NKAIN2: variants seen among roughly 807,000 people sequenced by gnomAD.
NKAIN2 encodes the protein sodium/potassium transporting ATPase interacting 2.
In NKAIN2, 14 loss-of-function variants were observed where a neutral mutation model predicts 32.6. That is an observed-to-expected ratio of 0.43 (90% confidence interval 0.28 to 0.67). The LOEUF (loss-of-function observed/expected upper bound fraction) is 0.67, where lower values mean the gene tolerates loss of function less well. Among genes scored for constraint, NKAIN2 ranks in the 30% least tolerant of loss-of-function variants. The pLI, the probability that NKAIN2 is intolerant of heterozygous loss-of-function variation, is 0.17. For synonymous variants in NKAIN2, 80 were observed against 87.2 expected, an observed-to-expected ratio of 0.92 and a Z score of 0.46; for missense variants, 198 against 258.3, an observed-to-expected ratio of 0.77 and a Z score of 1.60.
At chr6:124,493,659 C>T (rs541025022) in intron 3 of NKAIN2, among the ~76,000 whole-genome samples, 1 of 149,760 alleles carries the variant, frequency 6.7e-6, no homozygotes, top group Non-Finnish European at 1.5e-5. Context: ...TACATCTCTC[C>T]ACTGTATACT....
intron 4 of NKAIN2, among the ~76,000 whole-genome samples, chr6:124,704,282 G>GA (rs796186678): frequency 1.0e-4 from 15 of 150,492 alleles, no homozygotes; most frequent in South Asian, 2.1e-4. Flanking sequence ...GAGCTTCCTA[G>GA]AAAAAAAAAT....
intron 3 of NKAIN2, among the ~76,000 whole-genome samples, chr6:124,446,977 C>A (rs1775918378): frequency 1.3e-5 from 2 of 152,052 alleles, no homozygotes; most frequent in Admixed American, 6.6e-5. Context: ...AGGACAGCCC[C>A]AACAACAACG....
At chr6:124,412,195 G>T (rs187970721) in intron 3 of NKAIN2, among the ~76,000 whole-genome samples, 8 of 152,114 alleles carry the variant, frequency 5.3e-5, no homozygotes, top group Non-Finnish European at 1.0e-4. Flanking sequence ...GTCAGTCTCC[G>T]TCCAGCTTTG....
chr6:124,406,918 TTTC>T (rs1419953917), intron 3 of NKAIN2, among the ~76,000 whole-genome samples: 3 of 152,074 alleles, frequency 2.0e-5, no homozygotes, highest in Non-Finnish European at 2.9e-5. Flanking sequence ...TTGCCCAATT[TTTC>T]TTGTTCTTTT....
chr6:124,483,466 C>T (rs1161369629), intron 3 of NKAIN2, among the ~76,000 whole-genome samples: 2 of 152,064 alleles, frequency 1.3e-5, no homozygotes, highest in Non-Finnish European at 2.9e-5. Flanking sequence ...GATATTAAGA[C>T]TTATATCACA....
At chr6:124,100,778 G>A (rs1372761656) in intron 1 of NKAIN2, among the ~76,000 whole-genome samples, 3 of 152,134 alleles carry the variant, frequency 2.0e-5, no homozygotes, top group Admixed American at 6.5e-5. Flanking sequence ...TAGAATTGTT[G>A]TCCATTTCTT....
chr6:124,028,951 A>G (rs1391107449), intron 1 of NKAIN2, among the ~76,000 whole-genome samples: 1 of 142,674 alleles, frequency 7.0e-6, no homozygotes, highest in East Asian at 2.1e-4. Flanking sequence ...AGTTTTCAAG[A>G]TGATGCTCTT....
chr6:124,489,490 T>G (rs1301605832), intron 3 of NKAIN2, among the ~76,000 whole-genome samples: 1 of 151,902 alleles, frequency 6.6e-6, no homozygotes, highest in Non-Finnish European at 1.5e-5. Context: ...TTAATATACC[T>G]AACCTATCAA....
At chr6:124,669,666 C>G (rs1772997589) in intron 4 of NKAIN2, among the ~76,000 whole-genome samples, 1 of 152,092 alleles carries the variant, frequency 6.6e-6, no homozygotes, top group African/African-American at 2.4e-5. Context: ...TATTACTATT[C>G]TTAAAAGGAA....
intron 1 of NKAIN2, among the ~76,000 whole-genome samples, chr6:124,161,657 A>C (rs1788280588): frequency 6.6e-6 from 1 of 152,168 alleles, no homozygotes; most frequent in Admixed American, 6.6e-5. Flanking sequence ...ATAAGGGTGC[A>C]GAAACTTTCA....
At chr6:124,414,733 G>A (rs573952985) in intron 3 of NKAIN2, among the ~76,000 whole-genome samples, 1 of 152,162 alleles carries the variant, frequency 6.6e-6, no homozygotes, top group South Asian at 2.1e-4. Context: ...TTGATAGTTT[G>A]TATCTTTCAA....
Position 124,583,414 on chromosome 6 carries a change from A to C in NKAIN2, c.274-74772A>C, listed in dbSNP as rs150817134. ...AAATACCTAGGAATTGACTTAACCA[A>C]AGAAATGAAAGGCTTACACAATGAA... On this transcript the variant is annotated intron_variant, in intron 3 of 6. Coordinates refer to ENST00000368417, the MANE Select transcript of NKAIN2 (RefSeq NM_001040214.3). Among the ~76,000 whole-genome samples the C allele has an allele frequency of 6.8e-4, 104 of 152,212 alleles. No homozygotes were observed. In the East Asian group the frequency reaches 0.018, roughly 26 times the overall value.
At chr6:124,132,846 G>C (rs1786545610) in intron 1 of NKAIN2, among the ~76,000 whole-genome samples, 1 of 152,194 alleles carries the variant, frequency 6.6e-6, no homozygotes, top group African/African-American at 2.4e-5. Flanking sequence ...ACTAGGCCTG[G>C]AAGAGCAATA....
At chr6:124,743,188 C>A (rs182758876) in intron 4 of NKAIN2, among the ~76,000 whole-genome samples, 14 of 151,936 alleles carry the variant, frequency 9.2e-5, no homozygotes, top group Admixed American at 9.2e-4. Flanking sequence ...TGGAAGCTTG[C>A]CTAACCACTC....
At chr6:124,140,952 A>G (rs1207021599) in intron 1 of NKAIN2, among the ~76,000 whole-genome samples, 1 of 152,212 alleles carries the variant, frequency 6.6e-6, no homozygotes, top group African/African-American at 2.4e-5. Flanking sequence ...TAGAGATAAA[A>G]CTATGGAGTT....
chr6:124,263,701 AATGTTTGTTTGTTT>A (rs1794355419), intron 1 of NKAIN2, among the ~76,000 whole-genome samples: 1 of 113,988 alleles, frequency 8.8e-6, no homozygotes, highest in African/African-American at 4.2e-5. Context: ...TGCTACTATA[AATGTTTGTTTGTTT>A]GTTTAATTTA....
At chr6:124,465,104 C>T (rs919614819) in intron 3 of NKAIN2, among the ~76,000 whole-genome samples, 3 of 151,990 alleles carry the variant, frequency 2.0e-5, no homozygotes, top group African/African-American at 7.3e-5. Context: ...AACAGAAATA[C>T]CATTTGACCC....
intron 1 of NKAIN2, among the ~76,000 whole-genome samples, chr6:124,117,647 T>TATA (rs1464621793): frequency 1.3e-5 from 2 of 151,944 alleles, no homozygotes; most frequent in African/African-American, 2.4e-5. Context: ...AAACTTAAAG[T>TATA]ATAATAATAA....
intron 3 of NKAIN2, among the ~76,000 whole-genome samples, chr6:124,525,031 G>C (rs1159375779): frequency 6.6e-6 from 1 of 152,134 alleles, no homozygotes; most frequent in Non-Finnish European, 1.5e-5. Context: ...GCAGTAAAGC[G>C]ATACAATTGG....
Sources: gnomAD v4.1 joint callset for allele counts (sites outside exome capture counted in the v4.1 genomes callset) on GRCh38, gnomAD v4.1.1 for gene constraint, MANE v1.5 for transcripts, NCBI Gene and HGNC (gene_info 2026-07-23, HGNC 2026-07-21) for gene names.